The following INVS variants were observed in gnomAD, a reference collection of about 807,000 sequenced individuals.
The protein encoded by INVS is inversin.
Under a neutral mutation model 108.8 loss-of-function variants are expected in INVS, and 86 were observed. The ratio of observed to expected loss-of-function variants is 0.79; its 90% CI spans 0.66 to 0.95. The LOEUF is 0.95. INVS is among the 40% of genes least tolerant of loss of function. INVS has a pLI of 0.00. For synonymous variants in INVS, 455 were observed against 473.5 expected (o/e 0.96, Z 0.51); for missense variants, 1,169 against 1,297.4 (o/e 0.90, Z 1.52).
At chr9:100,131,126 T>C (rs1169238871) in intron 3 of INVS, among the ~76,000 whole-genome samples, 4 of 152,156 alleles carry the variant, frequency 2.6e-5, no homozygotes, top group Non-Finnish European at 5.9e-5. Flanking sequence ...TACCTTATAT[T>C]GTAATTATTG....
chr9:100,163,909 A>G (rs1829273005), intron 3 of INVS, among the ~76,000 whole-genome samples: 1 of 150,722 alleles, frequency 6.6e-6, no homozygotes. Context: ...ACAAGAGGGT[A>G]TGGTTATTGA....
intron 3 of INVS, among the ~76,000 whole-genome samples, chr9:100,146,594 CTTCA>C (rs1828622820): frequency 6.6e-6 from 1 of 152,138 alleles, no homozygotes. Flanking sequence ...TGTATCAGTA[CTTCA>C]TTCATTTTTA....
chr9:100,256,206 G>T (rs534202777), intron 10 of INVS, among the ~76,000 whole-genome samples: 11 of 152,192 alleles, frequency 7.2e-5, no homozygotes, highest in Non-Finnish European at 1.3e-4. Context: ...TTGCATAGAA[G>T]TGTTTATAGT....
chr9:100,127,994 A>G (rs1158432232), intron 3 of INVS, among the ~76,000 whole-genome samples: 1 of 152,186 alleles, frequency 6.6e-6, no homozygotes, highest in African/African-American at 2.4e-5. Flanking sequence ...ATTTTTCATT[A>G]TGATTGATTT....
chr9:100,227,557 A>G, intron 4 of INVS, among the ~76,000 whole-genome samples: 1 of 152,234 alleles, frequency 6.6e-6, no homozygotes, highest in Non-Finnish European at 1.5e-5. Flanking sequence ...GTTCAAGATG[A>G]TCATTTTCAA....
chr9:100,194,449 A>G (rs1189094127), intron 3 of INVS, among the ~76,000 whole-genome samples: 2 of 152,048 alleles, frequency 1.3e-5, no homozygotes, highest in African/African-American at 4.8e-5. Context: ...GTCGTTTCAT[A>G]GATTTTTTAG....
intron 10 of INVS, among the ~76,000 whole-genome samples, chr9:100,264,488 G>C (rs1832722432): frequency 6.6e-6 from 1 of 151,844 alleles, no homozygotes; most frequent in African/African-American, 2.4e-5. Flanking sequence ...CATGGCGGCG[G>C]GCACCTGTAA....
At chr9:100,232,700 T>C (rs1831551533) in intron 5 of INVS, among the ~76,000 whole-genome samples, 1 of 152,204 alleles carries the variant, frequency 6.6e-6, no homozygotes, top group African/African-American at 2.4e-5. Context: ...TCTGTTCTGT[T>C]CCATTGGTCT....
intron 3 of INVS, among the ~76,000 whole-genome samples, chr9:100,138,656 T>C (rs1480176021): frequency 6.6e-6 from 1 of 151,604 alleles, no homozygotes; most frequent in Non-Finnish European, 1.5e-5. Context: ...TGAAATTTTA[T>C]TGATTTCGAC....
At chr9:100,288,236 GCTCT>G (rs1398590509) in intron 13 of INVS, among the ~76,000 whole-genome samples, 2 of 152,102 alleles carry the variant, frequency 1.3e-5, no homozygotes, top group South Asian at 2.1e-4. Flanking sequence ...TCTTGGCTCT[GCTCT>G]CTGAGAAGTC....
intron 12 of INVS, among the ~76,000 whole-genome samples, chr9:100,283,636 G>A (rs571251639): frequency 6.6e-5 from 10 of 152,170 alleles, no homozygotes; most frequent in East Asian, 5.8e-4. Flanking sequence ...ATCTTTAGAC[G>A]GGCCCCTGCT....
intron 12 of INVS, among the ~76,000 whole-genome samples, chr9:100,274,530 A>G (rs1455452120): frequency 1.3e-5 from 2 of 152,082 alleles, no homozygotes; most frequent in South Asian, 4.1e-4. Context: ...TTTTTGAGAC[A>G]GTCTCTCGCT....
chr9:100,164,569 T>C (rs73507832), intron 3 of INVS, among the ~76,000 whole-genome samples: 29,317 of 152,090 alleles, frequency 0.19, 4,504 homozygotes, highest in African/African-American at 0.43. Context: ...TAACTTCTCC[T>C]CTTCCCATGT....
At chr9:100,245,707 A>T (rs1832024612) in intron 7 of INVS, among the ~76,000 whole-genome samples, 1 of 152,244 alleles carries the variant, frequency 6.6e-6, no homozygotes, top group Admixed American at 6.5e-5. Flanking sequence ...TATTCAATAA[A>T]TGCATTAACC....
intron 10 of INVS, 79 bp from the exon 11 acceptor site, chr9:100,264,743 T>A: frequency 1.0e-6 from 1 of 965,920 alleles, no homozygotes; most frequent in Non-Finnish European, 1.7e-6. Context: ...TTGCTTATAT[T>A]AATTTTGAAT....
At chr9:100,116,342 C>T (rs1490149703) in intron 2 of INVS, among the ~76,000 whole-genome samples, 1 of 152,080 alleles carries the variant, frequency 6.6e-6, no homozygotes, top group Non-Finnish European at 1.5e-5. Context: ...CTCCTAGACT[C>T]AAGCAATCTA....
intron 3 of INVS, among the ~76,000 whole-genome samples, chr9:100,186,224 A>C (rs1451482320): frequency 6.6e-6 from 1 of 151,998 alleles, no homozygotes; most frequent in Non-Finnish European, 1.5e-5. Flanking sequence ...ATCTCAGCTC[A>C]CTGCATCCTT....
chr9:100,259,274 C>T (rs556124362), intron 10 of INVS, among the ~76,000 whole-genome samples: 25 of 152,218 alleles, frequency 1.6e-4, no homozygotes, highest in South Asian at 4.2e-4. Context: ...TTGGAAAAAG[C>T]GCAGTATTAG....
At chr9:100,130,024 C>T (rs1439631384) in intron 3 of INVS, 1 of 276,494 alleles carries the variant, frequency 3.6e-6, no homozygotes, top group African/African-American at 2.2e-5. Context: ...TAGTATTAAA[C>T]AACAGCTGGG....
Sources: gnomAD v4.1 joint callset for allele counts (sites outside exome capture counted in the v4.1 genomes callset) on GRCh38, gnomAD v4.1.1 for gene constraint, MANE v1.5 for transcripts, NCBI Gene and HGNC (gene_info 2026-07-23, HGNC 2026-07-21) for gene names.